Variants in EPB41L1 observed in about 807,000 individuals in gnomAD.
EPB41L1 encodes band 4.1-like protein 1.
In EPB41L1, 29 loss-of-function variants were observed where a neutral mutation model predicts 97.8. The observed-to-expected ratio is 0.30, with a 90% CI of 0.22 to 0.40. The LOEUF (loss-of-function observed/expected upper bound fraction) is 0.40. Ranked by LOEUF, EPB41L1 falls within the 10% of genes least tolerant of loss-of-function variation. The pLI is 1.00. For synonymous variants in EPB41L1, 383 were observed against 459.2 expected (o/e 0.83, Z 2.12); for missense variants, 812 against 1,162.3 (o/e 0.70, Z 4.38).
rs77247201 is a variant in EPB41L1 at position 36,207,349 on chromosome 20, G to A, written c.1669-2139G>A. On this transcript the variant is annotated intron_variant, in intron 14 of 21. Coordinates refer to ENST00000338074, the MANE Select transcript of EPB41L1 (RefSeq NM_012156.2). The surrounding 1 kb of genome is among the most constrained non-coding windows in gnomAD (Gnocchi z 4.9). ...AGAAGCTGAGGGGCGCATACCTCTG[G>A]GGTTTGGGTTCCCTTCAGGGAAGCG... 2,524 of 1,288,556 alleles carry A rather than the reference G, an allele frequency of 2.0e-3. 43 individuals are homozygous for A. The African/African-American group carries it at 0.034, about 17-fold the overall frequency. The allele number at this position is 1,288,556 out of a possible 1,614,324, so 79.8% of individuals were successfully genotyped here. A position where few individuals can be genotyped will look rare whatever the true frequency, so the allele number is the denominator to read the frequency against.
chr20:36,095,204 T>C (rs1449917079), intron 1 of EPB41L1, among the ~76,000 whole-genome samples: 1 of 152,196 alleles, frequency 6.6e-6, no homozygotes, highest in Non-Finnish European at 1.5e-5. Flanking sequence ...ACTCCTGACC[T>C]CAGGTGATCC....
Position 36,132,573 on chromosome 20 carries a change from G to GC in EPB41L1, c.-10+20093_-10+20094insC, listed in dbSNP as rs1372178527. ...ACATGGACATCTTTGTGGGCGGGGG[G>GC]GGGGGGCGCATTATTATGCCTGCCA... On this transcript the variant is annotated intron_variant, in intron 2 of 19. Coordinates refer to the EPB41L1 transcript ENST00000202028. Among the ~76,000 whole-genome samples, 740 of 79,122 alleles carry GC rather than the reference G, an allele frequency of 9.4e-3. 24 individuals are homozygous for GC. Among genetic ancestry groups the GC allele is most frequent in the African/African-American group, 0.039 (646 of 16,452 alleles). The allele number at this position is 79,122 out of a possible 152,430, so 51.9% of individuals were successfully genotyped here.
chr20:36,153,838 G>T (rs1291755004), upstream of EPB41L1, among the ~76,000 whole-genome samples: 1 of 152,098 alleles, frequency 6.6e-6, no homozygotes, highest in Non-Finnish European at 1.5e-5. Context: ...GTGCTGCAGT[G>T]GTTGGACTGG....
intron 2 of EPB41L1, among the ~76,000 whole-genome samples, chr20:36,136,806 AC>A (rs2059435022): frequency 6.7e-6 from 1 of 150,242 alleles, no homozygotes; most frequent in Non-Finnish European, 1.5e-5. Flanking sequence ...CTGGTCTTGA[AC>A]TCTTGGCTTC....
chr20:36,214,564 T>A, intron 17 of EPB41L1, 124 bp downstream of exon 17: 2 of 787,124 alleles, frequency 2.5e-6, no homozygotes, highest in Non-Finnish European at 4.3e-6. Flanking sequence ...GCATCAGGCA[T>A]GGGACATAAG....
At chr20:36,145,395 C>CAAAAA (rs1188803832) in intron 2 of EPB41L1, among the ~76,000 whole-genome samples, 1 of 65,642 alleles carries the variant, frequency 1.5e-5, no homozygotes. Flanking sequence ...GACTCCATCT[C>CAAAAA]AAAAAAAAAA....
chr20:36,157,245 G>C (rs2060347989), intron 1 of EPB41L1, among the ~76,000 whole-genome samples: 1 of 152,122 alleles, frequency 6.6e-6, no homozygotes, highest in South Asian at 2.1e-4. Flanking sequence ...AGGGCGGGGA[G>C]GATGATCATC....
intron 1 of EPB41L1, among the ~76,000 whole-genome samples, chr20:36,172,923 A>G (rs900233247): frequency 3.3e-5 from 5 of 152,198 alleles, no homozygotes; most frequent in African/African-American, 1.2e-4. Flanking sequence ...AAATATAAAA[A>G]TGAGACCATG....
Position 36,217,735 on chromosome 20 carries a change from G to T in EPB41L1, c.2269-1141G>T, listed in dbSNP as rs866976992. 1.9e-4 allele frequency among the ~76,000 whole-genome samples: 29 copies of T among 152,298 alleles called. No homozygotes were observed. The Middle Eastern group carries it at 0.01, about 54-fold the overall frequency. ...ATTCTGGAACTGCAGGTGCATCTGG[G>T]AACGTGCCTTGTGGTGCAGTACCAA... On this transcript the variant is annotated intron_variant, in intron 17 of 21. Coordinates refer to ENST00000338074, the MANE Select transcript of EPB41L1 (RefSeq NM_012156.2).
At chr20:36,182,662 T>G (rs2061519326) in intron 6 of EPB41L1, among the ~76,000 whole-genome samples, 1 of 152,130 alleles carries the variant, frequency 6.6e-6, no homozygotes, top group Non-Finnish European at 1.5e-5. Flanking sequence ...ATCACTGTCA[T>G]GTAGGAATTG....
chr20:36,115,131 G>A (rs2058544869), intron 2 of EPB41L1, among the ~76,000 whole-genome samples: 1 of 152,208 alleles, frequency 6.6e-6, no homozygotes, highest in Non-Finnish European at 1.5e-5. Context: ...TGTCATGACA[G>A]TCTTTGGGTA....
intron 2 of EPB41L1, among the ~76,000 whole-genome samples, chr20:36,147,692 A>G (rs2059893455): frequency 1.3e-5 from 2 of 152,198 alleles, no homozygotes; most frequent in South Asian, 4.1e-4. Context: ...ATGTTAATTG[A>G]TGGTGATGCT....
chr20:36,187,748 C>T lies in EPB41L1; in HGVS notation c.858C>T (p.Asp286=). ...AGAAGCTTTCCATGTACGGAGTAGA[C>T]CTGCACCATGCCAAGGTACCACCAG... The part of the protein sequence containing the change: ...NAKKLSMYGV[D]LHHAKDSEGI... The change falls in exon 8 of 22, where the codon GAC becomes GAT. Residue 286 remains aspartate, a synonymous_variant. Transcript: ENST00000338074. 6.2e-7 allele frequency: 1 copy of T among 1,613,912 alleles called. No homozygotes were observed. The highest frequency in any genetic ancestry group is 8.5e-7 in the Non-Finnish European group (1 of 1,179,944).
At position 36,092,458 on chromosome 20, in the gene EPB41L1, C is replaced by T. The variant is rs1192284431; in HGVS notation, c.-65+846C>T. Among the ~76,000 whole-genome samples, 5 of 151,994 alleles carry T rather than the reference C, an allele frequency of 3.3e-5. No homozygotes were observed. In the East Asian group the frequency reaches 9.7e-4, roughly 30 times the overall value. On this transcript the variant is annotated intron_variant, in intron 1 of 19. Coordinates refer to the EPB41L1 transcript ENST00000202028. This position sits in a 1 kb window ranked among gnomAD's most constrained non-coding sequence, Gnocchi z 7.0. The stretch of plus-strand genomic sequence containing the variant: ...GCTCAGCCCCTTCCTCTGCTCCCCT[C>T]CCCGGGACCGGCGCGCGGCCCCAGC...
intron 1 of EPB41L1, among the ~76,000 whole-genome samples, chr20:36,105,074 C>A (rs1406246641): frequency 1.3e-5 from 2 of 152,050 alleles, no homozygotes; most frequent in Non-Finnish European, 2.9e-5. Flanking sequence ...GAGAAAGGGC[C>A]ACATAGGTGG....
intron 2 of EPB41L1, among the ~76,000 whole-genome samples, chr20:36,144,173 C>T (rs182008188): frequency 3.3e-5 from 5 of 152,128 alleles, no homozygotes; most frequent in Admixed American, 2.0e-4. Flanking sequence ...TTTAGAACTG[C>T]GCTAGTCCAA....
chr20:36,192,897 GAGTTTGCC>G, intron 11 of EPB41L1, among the ~76,000 whole-genome samples: 2 of 152,328 alleles, frequency 1.3e-5, no homozygotes, highest in Admixed American at 1.3e-4. Flanking sequence ...GGATACCTAG[GAGTTTGCC>G]AGGTGATTAA....
intron 2 of EPB41L1, among the ~76,000 whole-genome samples, chr20:36,136,773 G>A (rs1381960998): frequency 6.6e-6 from 1 of 150,610 alleles, no homozygotes; most frequent in Non-Finnish European, 1.5e-5. Flanking sequence ...TGTAAAAATG[G>A]GGTTCTTCTT....
intron 14 of EPB41L1, chr20:36,205,958 G>T: frequency 7.8e-7 from 1 of 1,289,918 alleles, no homozygotes; most frequent in Non-Finnish European, 1.0e-6. Flanking sequence ...GGCCTTGCTG[G>T]TATCCTTGCC....
Sources: allele counts gnomAD v4.1 joint callset (sites outside exome capture counted in the v4.1 genomes callset), GRCh38; gene constraint gnomAD v4.1.1; non-coding constraint Gnocchi (gnomAD v3.1); transcripts MANE v1.5; gene names NCBI Gene and HGNC (gene_info 2026-07-23, HGNC 2026-07-21).